The following ALDH18A1 variants were observed in gnomAD, a reference collection of about 807,000 sequenced individuals.
ALDH18A1 encodes the protein delta-1-pyrroline-5-carboxylate synthase.
A neutral mutation model predicts 88.8 loss-of-function variants in ALDH18A1; 44 were observed. The observed-to-expected ratio is 0.50, with a 90% CI of 0.39 to 0.64. The LOEUF (loss-of-function observed/expected upper bound fraction) is 0.64, where lower values mean the gene tolerates loss of function less well. Ranked by LOEUF, ALDH18A1 falls within the 30% of genes least tolerant of loss-of-function variation. ALDH18A1 has a pLI of 0.00. For synonymous variants in ALDH18A1, 331 were observed against 372.1 expected (o/e 0.89, Z 1.27); for missense variants, 782 against 1,009.5 (o/e 0.77, Z 3.05).
At position 95,621,233 on chromosome 10, in the gene ALDH18A1, A is replaced by C; in HGVS notation, c.1265T>G (p.Leu422Arg). Residue 422 changes from leucine (L) to arginine (R), a missense_variant, in exon 12 of 18, where the codon CTG (leucine) becomes CGG (arginine). Physicochemically the swap from Leu to Arg is moderately radical, Grantham distance 102 (BLOSUM62 -2). Transcript: ENST00000371224. Reference sequence around the variant, plus strand: ...TGTGGAGAGGCTTAAACGTTTCAGCAGAGGAGCTGCAAGTCTCCCTGAAAA... The same window carrying C: ...TGTGGAGAGGCTTAAACGTTTCAGCCGAGGAGCTGCAAGTCTCCCTGAAAA... Reference protein sequence around the residue: ...EEAEGRLAAPLLKRLSLSTSK... With the variant: ...EEAEGRLAAPRLKRLSLSTSK... The C allele has an allele frequency of 1.2e-6, 2 of 1,613,260 alleles. No individual in the cohort carries two copies. The highest frequency in any genetic ancestry group is 1.7e-6 in the Non-Finnish European group (2 of 1,179,778).
intron 7 of ALDH18A1, among the ~76,000 whole-genome samples, chr10:95,629,075 G>A (rs1409654657): frequency 1.3e-5 from 2 of 152,344 alleles, no homozygotes; most frequent in East Asian, 1.9e-4. Context: ...TTACCATAAA[G>A]TGTATGTCCC....
intron 17 of ALDH18A1, among the ~76,000 whole-genome samples, chr10:95,609,201 A>G (rs1311567020): frequency 1.3e-5 from 2 of 152,190 alleles, no homozygotes; most frequent in Non-Finnish European, 2.9e-5. Flanking sequence ...GGTACCCCTG[A>G]AAACGAGAGA....
chr10:95,640,315 A>C (rs989829508), intron 3 of ALDH18A1, among the ~76,000 whole-genome samples: 2 of 151,178 alleles, frequency 1.3e-5, no homozygotes. Context: ...GGATTTAAAC[A>C]TATTTTGTTG....
At position 95,627,437 on chromosome 10, in the gene ALDH18A1, T is replaced by C. The variant is rs2139591190; in HGVS notation, c.1078+5A>G. 2 of 1,614,100 alleles carry C rather than the reference T, an allele frequency of 1.2e-6. No individual in the cohort carries two copies. The highest frequency in any genetic ancestry group is 1.7e-6 in the Non-Finnish European group (2 of 1,179,944). Reference sequence around the variant, plus strand: ...GGCCTTGGGACCTTATGAAGAACTATTTACCTGCAGGCTTTACTTCTGAAA... The same window carrying C: ...GGCCTTGGGACCTTATGAAGAACTACTTACCTGCAGGCTTTACTTCTGAAA... On this transcript the variant is annotated splice_donor_5th_base_variant and intron_variant, in intron 9 of 17. Coordinates refer to ENST00000371224, the MANE Select transcript of ALDH18A1 (RefSeq NM_002860.4).
intron 13 of ALDH18A1, among the ~76,000 whole-genome samples, chr10:95,615,003 G>A (rs1461689376): frequency 2.0e-5 from 3 of 152,206 alleles, no homozygotes; most frequent in Non-Finnish European, 4.4e-5. Flanking sequence ...ACATAAACGT[G>A]TGTTTTGTTT....
At chr10:95,646,173 G>A (rs1045524977) in intron 2 of ALDH18A1, among the ~76,000 whole-genome samples, 2 of 152,116 alleles carry the variant, frequency 1.3e-5, no homozygotes, top group Non-Finnish European at 2.9e-5. Context: ...GTCTGCTGGA[G>A]GGCCTATCCT....
In ALDH18A1 at chr10:95,625,466, G is replaced by A. The variant is rs767127350; in HGVS notation, c.1153-11C>T. 2 of 1,607,194 alleles carry A rather than the reference G, an allele frequency of 1.2e-6. No homozygotes were observed. The highest frequency in any genetic ancestry group is 2.2e-5 in the South Asian group (2 of 90,928). On this transcript the variant is annotated splice_polypyrimidine_tract_variant and intron_variant, in intron 10 of 17. Coordinates refer to ENST00000371224, the MANE Select transcript of ALDH18A1 (RefSeq NM_002860.4). ...GATAATTTCTGCTCTCTAGAAGAAA[G>A]GTACACCATTAAAAAAACAGAGATG...
At position 95,627,575 on chromosome 10, in the gene ALDH18A1, G is replaced by A. The variant is rs566528582; in HGVS notation, c.945C>T (p.Ala315=). 175 of 1,614,076 alleles carry A rather than the reference G, an allele frequency of 1.1e-4. 3 individuals are homozygous for A. The South Asian group carries it at 1.8e-3, about 17-fold the overall frequency. Residue 315 remains alanine (A), a synonymous_variant, in exon 9 of 18, where the codon GCC becomes GCT. Coordinates refer to ENST00000371224, the MANE Select transcript of ALDH18A1 (RefSeq NM_002860.4). ...MGGMEAKVKA[A]LWALQGGTSV... ...AAGTGCCACCTTGCAAAGCCCAGAG[G>A]GCTGCTTTCACCTAATGAGACAGGT...
chr10:95,607,628 TTTTTGTGGCGC>T (rs2097825216), intron 17 of ALDH18A1, among the ~76,000 whole-genome samples: 1 of 152,114 alleles, frequency 6.6e-6, no homozygotes, highest in African/African-American at 2.4e-5. Context: ...CAAGGCCCTG[TTTTTGTGGCGC>T]TGATATTATA....
intron 7 of ALDH18A1, 139 bp downstream of exon 7, chr10:95,632,820 G>A (rs2097872899): frequency 9.3e-6 from 7 of 749,706 alleles, no homozygotes; most frequent in South Asian, 7.7e-5. Flanking sequence ...AGTCATAAAA[G>A]CCCTTTGTCA....
At chr10:95,643,591 T>A (rs2097895897) in intron 2 of ALDH18A1, among the ~76,000 whole-genome samples, 1 of 152,174 alleles carries the variant, frequency 6.6e-6, no homozygotes, top group South Asian at 2.1e-4. Flanking sequence ...AAATGTTGGA[T>A]AAAGGGAAAA....
At chr10:95,655,349 T>C (rs951645324) in intron 1 of ALDH18A1, among the ~76,000 whole-genome samples, 1 of 152,174 alleles carries the variant, frequency 6.6e-6, no homozygotes, top group Non-Finnish European at 1.5e-5. Flanking sequence ...GGTCAGTAAA[T>C]GTCAGTTTTC....
chr10:95,643,973 G>T (rs148752774), intron 2 of ALDH18A1, among the ~76,000 whole-genome samples: 1 of 152,110 alleles, frequency 6.6e-6, no homozygotes. Flanking sequence ...GTGAAACCCC[G>T]TCTCTACTAA....
intron 11 of ALDH18A1, among the ~76,000 whole-genome samples, chr10:95,624,204 G>A (rs1422029813): frequency 2.0e-5 from 3 of 152,210 alleles, no homozygotes; most frequent in Non-Finnish European, 4.4e-5. Context: ...GCTAAGCCAC[G>A]CTCATGTATA....
Position 95,633,010 on chromosome 10 carries a change from G to C in ALDH18A1, c.757C>G (p.Leu253Val). 2 of 1,614,204 alleles carry C rather than the reference G, an allele frequency of 1.2e-6. No homozygotes were observed. Among genetic ancestry groups the C allele is most frequent in the Non-Finnish European group, 1.7e-6 (2 of 1,180,016 alleles). The change falls in exon 7 of 18, where the codon CTG becomes GTG. Residue 253 changes from leucine to valine, a missense_variant. By Grantham distance (32) the Leu-to-Val change is conservative (BLOSUM62 1). Coordinates refer to ENST00000371224, the MANE Select transcript of ALDH18A1 (RefSeq NM_002860.4). ...VKDNDSLAARLAVEMKTDLLI... is the reference protein window; with the variant it reads ...VKDNDSLAARVAVEMKTDLLI... ...AGATCAGTTTTCATTTCCACAGCCA[G>C]TCGGGCAGCCAGGCTATCATTATCT...
At chr10:95,616,133 C>T (rs2097843803) in intron 13 of ALDH18A1, among the ~76,000 whole-genome samples, 1 of 152,212 alleles carries the variant, frequency 6.6e-6, no homozygotes, top group Non-Finnish European at 1.5e-5. Context: ...TAAAGTTTCT[C>T]ATCTGACTTA....
Position 95,643,209 on chromosome 10 carries a change from G to A in ALDH18A1, c.89-3C>T. 1.9e-6 allele frequency: 3 copies of A among 1,614,002 alleles called. No homozygotes were observed. The highest frequency in any genetic ancestry group is 2.5e-6 in the Non-Finnish European group (3 of 1,179,942). ...GATGACTGAAGGCTGGATACAATCT[G>A]TAGCCATCAAAGTCAAATGCAAGAA... On this transcript the variant is annotated splice_polypyrimidine_tract_variant and splice_region_variant and intron_variant, in intron 2 of 17. Transcript: ENST00000371224.
intron 11 of ALDH18A1, among the ~76,000 whole-genome samples, chr10:95,624,112 C>T (rs1346997839): frequency 6.6e-6 from 1 of 152,264 alleles, no homozygotes; most frequent in Non-Finnish European, 1.5e-5. Context: ...GCTGGGATTA[C>T]GGGCGTGAGC....
Position 95,628,462 on chromosome 10 carries a change from T to A in ALDH18A1, c.839A>T (p.Asp280Val), listed in dbSNP as rs981914821. ...ATAAAATATATCAATAAGCTTTGCA[T>A]CATCTGAACCTGGGGGGCTGTCAAA... ...GLFDSPPGSD[D>V]AKLIDIFYPG... Residue 280 changes from aspartate (D) to valine (V), a missense_variant, in exon 8 of 18, where the codon GAT becomes GTT. Around this residue, in one of 3 missense-constraint regions of ALDH18A1, gnomAD observed 556 missense variants for 654.5 expected, o/e 0.85. Coordinates refer to ENST00000371224, the MANE Select transcript of ALDH18A1 (RefSeq NM_002860.4). 2.8e-5 allele frequency: 45 copies of A among 1,613,858 alleles called. No homozygotes were observed. Among genetic ancestry groups the A allele is most frequent in the Non-Finnish European group, 3.8e-5 (45 of 1,179,980 alleles).
Sources: allele counts gnomAD v4.1 joint callset (sites outside exome capture counted in the v4.1 genomes callset), GRCh38; gene constraint gnomAD v4.1.1; regional missense constraint gnomAD v4.1.1; transcripts MANE v1.5; gene names NCBI Gene and HGNC (gene_info 2026-07-23, HGNC 2026-07-21).